The following CAPN7 variants were observed in gnomAD, a reference collection of about 807,000 sequenced individuals.
The protein encoded by CAPN7 is calpain 7.
Under a neutral mutation model 115.2 loss-of-function variants are expected in CAPN7, and 72 were observed. The observed-to-expected ratio is 0.63, with a 90% confidence interval of 0.52 to 0.76. The LOEUF is 0.76. Among genes scored for constraint, CAPN7 ranks in the 30% least tolerant of loss-of-function variants. The probability of loss-of-function intolerance (pLI) is 0.00; values close to 1 mark genes in which losing one functional copy is unlikely to be tolerated. For synonymous variants in CAPN7, 344 were observed against 322.3 expected (o/e 1.07, Z -0.72); for missense variants, 905 against 971.5 (o/e 0.93, Z 0.91).
At chr3:15,232,974 A>G (rs990661778) in intron 10 of CAPN7, among the ~76,000 whole-genome samples, 1 of 152,206 alleles carries the variant, frequency 6.6e-6, no homozygotes, top group African/African-American at 2.4e-5. Flanking sequence ...TTTGTAATTC[A>G]GGTTCAAGGA....
intron 9 of CAPN7, chr3:15,232,236 A>T: frequency 2.9e-6 from 1 of 344,392 alleles, no homozygotes; most frequent in Non-Finnish European, 5.5e-6. Flanking sequence ...TAGATTTTTT[A>T]TTTCAGATGC....
chr3:15,249,868 G>T (rs370943030), intron 19 of CAPN7, among the ~76,000 whole-genome samples: 93 of 151,262 alleles, frequency 6.1e-4, no homozygotes, highest in African/African-American at 2.1e-3. Context: ...GGGTTCAAGC[G>T]ATTCTCCTGC....
In CAPN7 at chr3:15,228,045, G is replaced by T. The variant is rs938433601; in HGVS notation, c.852+80G>T. On this transcript the variant is annotated intron_variant, in intron 7 of 20. Transcript: ENST00000253693. Reference sequence around the variant, plus strand: ...GTGTATAGATTTGAGTTTTTTCTTAGATTTTTTATTATATATTCAGGTACA... The same window carrying T: ...GTGTATAGATTTGAGTTTTTTCTTATATTTTTTATTATATATTCAGGTACA... The T allele has an allele frequency of 2.7e-6, 3 of 1,097,978 alleles. No homozygotes were observed. In the African/African-American group the frequency reaches 4.9e-5, roughly 18 times the overall value. 68.0% of individuals were successfully genotyped at this position (1,097,978 alleles called of 1,614,324 possible).
At chr3:15,221,618 C>G (rs1693993963) in intron 5 of CAPN7, among the ~76,000 whole-genome samples, 1 of 152,030 alleles carries the variant, frequency 6.6e-6, no homozygotes, top group African/African-American at 2.4e-5. Context: ...GCAGACCACT[C>G]TTAATCTATG....
At chr3:15,222,499 A>G (rs1422510238) in intron 5 of CAPN7, among the ~76,000 whole-genome samples, 6 of 152,216 alleles carry the variant, frequency 3.9e-5, no homozygotes, top group Admixed American at 3.3e-4. Flanking sequence ...GGTAGCAGCC[A>G]TCTGAGAGCA....
intron 19 of CAPN7, among the ~76,000 whole-genome samples, chr3:15,250,082 A>G (rs1368759136): frequency 1.5e-4 from 23 of 149,294 alleles, no homozygotes; most frequent in Admixed American, 1.5e-3. Context: ...ATTTTTAATT[A>G]TACCCTGTGG....
Position 15,240,868 on chromosome 3 carries a change from A to G in CAPN7, c.1652+15A>G, listed in dbSNP as rs983162357. On this transcript the variant is annotated intron_variant, in intron 14 of 20. Coordinates refer to ENST00000253693, the MANE Select transcript of CAPN7 (RefSeq NM_014296.3). ...TGTATTCACAGGTAACTTTTTGCAC[A>G]TTGCAGAGTATGCTTTATAATAGCA... 12 of 1,432,810 alleles carry G rather than the reference A, an allele frequency of 8.4e-6. No homozygotes were observed. In the East Asian group the frequency reaches 2.1e-4, roughly 24 times the overall value. 88.8% of individuals were successfully genotyped at this position (1,432,810 alleles called of 1,614,324 possible).
Position 15,212,083 on chromosome 3 carries a change from T to A in CAPN7, c.103-21T>A, listed in dbSNP as rs757244189. The A allele has an allele frequency of 2.0e-6, 3 of 1,518,094 alleles. No homozygotes were observed. The African/African-American group carries it at 4.2e-5, about 21-fold the overall frequency. The allele number at this position is 1,518,094 out of a possible 1,614,324, so 94.0% of individuals were successfully genotyped here. ...AGTTGTAATACATCTATTGGATTCCTTTGAATTCTTTCATTTTTAGGAAGC... is the reference window on the plus strand; with the variant it reads ...AGTTGTAATACATCTATTGGATTCCATTGAATTCTTTCATTTTTAGGAAGC... On this transcript the variant is annotated intron_variant, in intron 1 of 20. Coordinates refer to ENST00000253693, the MANE Select transcript of CAPN7 (RefSeq NM_014296.3).
At chr3:15,218,307 C>T (rs1412861282) in intron 3 of CAPN7, among the ~76,000 whole-genome samples, 166 bp from the exon 4 acceptor site, 6 of 152,192 alleles carry the variant, frequency 3.9e-5, no homozygotes. Flanking sequence ...AAATTTTCAA[C>T]ACTATTTTAA....
intron 1 of CAPN7, among the ~76,000 whole-genome samples, chr3:15,210,191 G>C (rs2044851695): frequency 6.6e-6 from 1 of 151,600 alleles, no homozygotes; most frequent in African/African-American, 2.4e-5. Context: ...CAGAAATGGG[G>C]ATTTCACTAT....
chr3:15,250,842 G>A (rs140890250), intron 19 of CAPN7, 89 bp from the exon 20 acceptor site: 5 of 870,984 alleles, frequency 5.7e-6, no homozygotes, highest in East Asian at 2.5e-5. Context: ...CATAAACTTA[G>A]TATGACATCT....
chr3:15,233,901 C>A lies in CAPN7; in HGVS notation c.1214C>A (p.Pro405Gln). 6.2e-7 allele frequency: 1 copy of A among 1,605,884 alleles called. No homozygotes were observed. Among genetic ancestry groups the A allele is most frequent in the South Asian group, 1.1e-5 (1 of 90,592 alleles). ...IDLHALTGWI[P>Q]ERIAMHSDSQ... ...CTTCATGCACTGACTGGCTGGATAC[C>A]AGAAAGAATTGCTATGCATTCAGAT... The change falls in exon 11 of 21, where the codon CCA becomes CAA. Residue 405 changes from proline (P) to glutamine (Q), a missense_variant. Pro to Gln is a moderately conservative substitution (Grantham distance 76, BLOSUM62 -1). Coordinates refer to ENST00000253693, the MANE Select transcript of CAPN7 (RefSeq NM_014296.3).
intron 2 of CAPN7, among the ~76,000 whole-genome samples, chr3:15,217,030 G>A (rs555110343): frequency 6.6e-6 from 1 of 151,086 alleles, no homozygotes; most frequent in Non-Finnish European, 1.5e-5. Flanking sequence ...TTGAGCCTGG[G>A]AGTTCAAGAC....
intron 8 of CAPN7, among the ~76,000 whole-genome samples, chr3:15,230,042 A>G (rs2124952576): frequency 6.6e-6 from 1 of 152,280 alleles, no homozygotes; most frequent in East Asian, 1.9e-4. Flanking sequence ...GTTACTGTAT[A>G]ATTTCATGCA....
rs199866982 is a variant in CAPN7 at position 15,223,460 on chromosome 3, T to C, written c.639-15T>C. 32 of 1,539,980 alleles carry C rather than the reference T, an allele frequency of 2.1e-5. No homozygotes were observed. Among genetic ancestry groups the C allele is most frequent in the Non-Finnish European group, 2.8e-5 (31 of 1,114,134 alleles). On this transcript the variant is annotated splice_polypyrimidine_tract_variant and intron_variant, in intron 5 of 20. Coordinates refer to ENST00000253693, the MANE Select transcript of CAPN7 (RefSeq NM_014296.3). Reference sequence around the variant, plus strand: ...GTAAACTTGAACATTTAGGTTTTTTTCTCGTGTTTGATAGGACAACATCAA... The same window carrying C: ...GTAAACTTGAACATTTAGGTTTTTTCCTCGTGTTTGATAGGACAACATCAA...
intron 16 of CAPN7, among the ~76,000 whole-genome samples, chr3:15,244,583 T>A (rs1246365729): frequency 6.6e-6 from 1 of 152,188 alleles, no homozygotes; most frequent in Admixed American, 6.5e-5. Flanking sequence ...GATACCAAAA[T>A]ACTTAGTTTT....
At chr3:15,239,364 T>C (rs1305531551) in intron 12 of CAPN7, among the ~76,000 whole-genome samples, 1 of 152,222 alleles carries the variant, frequency 6.6e-6, no homozygotes, top group African/African-American at 2.4e-5. Flanking sequence ...AAGACAAATA[T>C]TATTTTGGAT....
chr3:15,227,812 T>C, intron 6 of CAPN7, 27 bp from the exon 7 acceptor site: 2 of 1,372,610 alleles, frequency 1.5e-6, no homozygotes, highest in Non-Finnish European at 1.9e-6. Context: ...ATTAATTTTT[T>C]TATTTTAATT....
chr3:15,237,822 A>T (rs1175897648), intron 12 of CAPN7, among the ~76,000 whole-genome samples: 2 of 151,858 alleles, frequency 1.3e-5, no homozygotes, highest in African/African-American at 2.4e-5. Context: ...ATAATTTTTT[A>T]AAAAATTAGC....
Sources: allele counts gnomAD v4.1 joint callset (sites outside exome capture counted in the v4.1 genomes callset), GRCh38; gene constraint gnomAD v4.1.1; transcripts MANE v1.5; gene names NCBI Gene and HGNC (gene_info 2026-07-23, HGNC 2026-07-21).